The following KDM4C variants were observed in gnomAD, a reference collection of about 807,000 sequenced individuals.
The protein encoded by KDM4C is lysine-specific demethylase 4C.
In KDM4C, 81 loss-of-function variants were observed where a neutral mutation model predicts 129.3. The ratio of observed to expected loss-of-function variants is 0.63; its 90% confidence interval spans 0.52 to 0.75. The LOEUF is 0.75. Ranked by LOEUF, KDM4C falls within the 30% of genes least tolerant of loss-of-function variation. KDM4C has a pLI of 0.00. For missense variants in KDM4C, 1,457 were observed against 1,304.0 expected (o/e 1.12, Z -1.81); for synonymous variants, 573 against 456.1 (o/e 1.26, Z -3.26).
intron 15 of KDM4C, among the ~76,000 whole-genome samples, chr9:7,019,005 G>A (rs10975979): frequency 0.085 from 12,887 of 152,130 alleles, 684 homozygotes; most frequent in East Asian, 0.18. Flanking sequence ...TAAGTGATCT[G>A]AATTCACAGT....
intron 5 of KDM4C, among the ~76,000 whole-genome samples, chr9:6,877,443 G>A (rs1563745082): frequency 2.0e-5 from 3 of 151,828 alleles, no homozygotes; most frequent in Admixed American, 2.0e-4. Flanking sequence ...CTCATGATCT[G>A]CCCGCCTCGA....
chr9:7,036,177 G>A lies in KDM4C; in HGVS notation c.2260-10685G>A, dbSNP rs149008746. Among the ~76,000 whole-genome samples the A allele has an allele frequency of 9.2e-5, 14 of 151,816 alleles. No homozygotes were observed. The East Asian group carries it at 2.7e-3, about 29-fold the overall frequency. On this transcript the variant is annotated intron_variant, in intron 15 of 21. Coordinates refer to ENST00000381309, the MANE Select transcript of KDM4C (RefSeq NM_015061.6). ...CAGTTTCTTTCTTCATTTTTTTATA[G>A]TTTCTCTTATAGTGGTCTTTCACCT...
chr9:6,792,642 C>T (rs889047852), intron 1 of KDM4C, among the ~76,000 whole-genome samples: 1 of 152,058 alleles, frequency 6.6e-6, no homozygotes, highest in Non-Finnish European at 1.5e-5. Context: ...CCGTCTTGGC[C>T]CCCCAAAGTG....
chr9:6,948,808 C>CAT (rs1827484853), intron 8 of KDM4C, among the ~76,000 whole-genome samples: 1 of 152,154 alleles, frequency 6.6e-6, no homozygotes, highest in South Asian at 2.1e-4. Flanking sequence ...GGGGTAAGGT[C>CAT]ATAGATCAAC....
chr9:6,834,966 T>C, intron 4 of KDM4C: 1 of 1,003,154 alleles, frequency 1.0e-6, no homozygotes, highest in Non-Finnish European at 1.6e-6. Flanking sequence ...GGATATGCCC[T>C]CCCCCACACC....
intron 12 of KDM4C, among the ~76,000 whole-genome samples, chr9:7,003,664 G>A (rs1821138810): frequency 6.6e-6 from 1 of 151,942 alleles, no homozygotes; most frequent in African/African-American, 2.4e-5. Context: ...AGCATTTTGG[G>A]GGAACTGTAA....
intron 1 of KDM4C, chr9:6,748,622 G>GAATA (rs1203403194): frequency 1.3e-6 from 1 of 764,636 alleles, no homozygotes; most frequent in Non-Finnish European, 2.3e-6. Flanking sequence ...AAAACAATAT[G>GAATA]AATAAATGTT....
At chr9:7,079,504 T>C (rs1834290228) in intron 17 of KDM4C, among the ~76,000 whole-genome samples, 1 of 152,320 alleles carries the variant, frequency 6.6e-6, no homozygotes, top group South Asian at 2.1e-4. Flanking sequence ...TTATTTTTAG[T>C]GGAGACAGTG....
intron 13 of KDM4C, among the ~76,000 whole-genome samples, chr9:7,012,894 T>C (rs1822963374): frequency 6.6e-6 from 1 of 152,344 alleles, no homozygotes; most frequent in African/African-American, 2.4e-5. Context: ...CTTATAAAAA[T>C]AAACTGTTCT....
intron 1 of KDM4C, among the ~76,000 whole-genome samples, chr9:6,790,406 G>C (rs1429745128): frequency 6.6e-6 from 1 of 150,634 alleles, no homozygotes; most frequent in African/African-American, 2.4e-5. Context: ...CACCACACCT[G>C]GCTAATTTTT....
At chr9:6,957,813 T>C (rs1333744725) in intron 8 of KDM4C, among the ~76,000 whole-genome samples, 8 of 152,214 alleles carry the variant, frequency 5.3e-5, no homozygotes, top group Non-Finnish European at 1.2e-4. Context: ...CTCTTGCTTC[T>C]TGGCTAGAAA....
chr9:7,018,326 C>T (rs1824055622), intron 15 of KDM4C, among the ~76,000 whole-genome samples: 1 of 152,152 alleles, frequency 6.6e-6, no homozygotes, highest in Non-Finnish European at 1.5e-5. Flanking sequence ...GTGTGCAGTC[C>T]ATCTTTGACC....
intron 8 of KDM4C, among the ~76,000 whole-genome samples, chr9:6,949,763 G>T (rs1827775750): frequency 6.6e-6 from 1 of 152,238 alleles, no homozygotes; most frequent in Non-Finnish European, 1.5e-5. Context: ...AATCAGGCAG[G>T]GAGGTTGCAG....
At chr9:7,044,630 A>G (rs1256369730) in intron 15 of KDM4C, among the ~76,000 whole-genome samples, 2 of 151,958 alleles carry the variant, frequency 1.3e-5, no homozygotes, top group African/African-American at 4.8e-5. Context: ...GATGGAAAAC[A>G]GTCGGGGAGT....
At chr9:6,725,127 G>C (rs1332179381) in intron 1 of KDM4C, among the ~76,000 whole-genome samples, 1 of 151,884 alleles carries the variant, frequency 6.6e-6, no homozygotes, top group Non-Finnish European at 1.5e-5. Flanking sequence ...ATCTCTCTCT[G>C]CCTTTTTGTT....
intron 8 of KDM4C, among the ~76,000 whole-genome samples, chr9:6,932,743 G>A (rs115102576): frequency 6.6e-6 from 1 of 152,138 alleles, no homozygotes; most frequent in African/African-American, 2.4e-5. Flanking sequence ...AAGGACATTT[G>A]ACCACGTTTA....
chr9:7,071,953 T>C (rs1263463177), intron 17 of KDM4C, among the ~76,000 whole-genome samples: 1 of 152,114 alleles, frequency 6.6e-6, no homozygotes, highest in Non-Finnish European at 1.5e-5. Context: ...TATAAAGAAC[T>C]CTTGACACTC....
intron 8 of KDM4C, among the ~76,000 whole-genome samples, chr9:6,912,965 A>C (rs894055649): frequency 2.6e-5 from 4 of 152,152 alleles, no homozygotes; most frequent in African/African-American, 7.2e-5. Context: ...TATTGTTCCA[A>C]ATCAGTGGGC....
chr9:7,048,742 A>C (rs1329204441), intron 16 of KDM4C, among the ~76,000 whole-genome samples: 1 of 152,144 alleles, frequency 6.6e-6, no homozygotes, highest in African/African-American at 2.4e-5. Flanking sequence ...CATATTGATT[A>C]GCTTAAGTAC....
Sources: gnomAD v4.1 joint callset for allele counts (sites outside exome capture counted in the v4.1 genomes callset) on GRCh38, gnomAD v4.1.1 for gene constraint, MANE v1.5 for transcripts, NCBI Gene and HGNC (gene_info 2026-07-23, HGNC 2026-07-21) for gene names.